Variants in PRKN observed in about 807,000 individuals in gnomAD.
PRKN encodes the protein parkin RBR E3 ubiquitin protein ligase, also known as E3 ubiquitin-protein ligase parkin.
In PRKN, 56 loss-of-function variants were observed where a neutral mutation model predicts 59.5. That is an observed-to-expected ratio of 0.94 (90% CI 0.76 to 1.18). The LOEUF (loss-of-function observed/expected upper bound fraction) is 1.18, where lower values mean the gene tolerates loss of function less well. PRKN is among the 50% of genes most tolerant of loss of function. The probability of loss-of-function intolerance (pLI) is 0.00; values close to 1 mark genes in which losing one functional copy is unlikely to be tolerated. For missense variants in PRKN, 657 were observed against 596.4 expected (o/e 1.10, Z -1.06); for synonymous variants, 250 against 222.1 (o/e 1.13, Z -1.12).
intron 4 of PRKN, among the ~76,000 whole-genome samples, chr6:162,192,161 A>G (rs1272611734): frequency 1.3e-5 from 2 of 152,182 alleles, no homozygotes; most frequent in Non-Finnish European, 2.9e-5. Context: ...TATTTTAAAA[A>G]TGTATCATCC....
chr6:162,235,961 G>GAAAGAA lies in PRKN; in HGVS notation c.412+26558_412+26563dup, dbSNP rs1554288856. ...AGGAAGGAAGGAAGGAAGAAAGGAA[G>GAAAGAA]AAAGAAAGAAAGAAAGAAAGAAAGA... On this transcript the variant is annotated intron_variant, in intron 3 of 11. Coordinates refer to ENST00000366898, the MANE Select transcript of PRKN (RefSeq NM_004562.3). Among the ~76,000 whole-genome samples, 72 of 54,372 alleles carry GAAAGAA rather than the reference G, an allele frequency of 1.3e-3. 6 individuals carry two copies. In the East Asian group the frequency reaches 0.078, roughly 59 times the overall value. 35.7% of individuals were successfully genotyped at this position (54,372 alleles called of 152,430 possible).
chr6:161,382,811 T>A (rs1786054310), intron 10 of PRKN, among the ~76,000 whole-genome samples: 1 of 152,162 alleles, frequency 6.6e-6, no homozygotes, highest in African/African-American at 2.4e-5. Context: ...AAAAAATACA[T>A]TAAGTTTTAG....
chr6:161,486,676 A>T (rs769703489), intron 9 of PRKN, among the ~76,000 whole-genome samples: 5 of 152,222 alleles, frequency 3.3e-5, no homozygotes, highest in Non-Finnish European at 5.9e-5. Context: ...GGATGCTATT[A>T]GCAATTTACT....
intron 5 of PRKN, among the ~76,000 whole-genome samples, chr6:162,053,286 A>T (rs1777724761): frequency 6.6e-6 from 1 of 152,134 alleles, no homozygotes; most frequent in Admixed American, 6.5e-5. Context: ...TCTGTTCCTG[A>T]GAGAAGGTAT....
At chr6:161,736,724 A>G (rs1488527359) in intron 7 of PRKN, among the ~76,000 whole-genome samples, 1 of 152,206 alleles carries the variant, frequency 6.6e-6, no homozygotes, top group East Asian at 1.9e-4. Flanking sequence ...GTCATGTAAG[A>G]TATACAACTT....
chr6:161,819,947 A>G (rs1475911841), intron 6 of PRKN, among the ~76,000 whole-genome samples: 1 of 152,208 alleles, frequency 6.6e-6, no homozygotes, highest in Non-Finnish European at 1.5e-5. Context: ...TGGCCAAATT[A>G]AGCCTAAAAA....
chr6:162,114,636 A>T (rs1780587706), intron 4 of PRKN, among the ~76,000 whole-genome samples: 1 of 151,624 alleles, frequency 6.6e-6, no homozygotes, highest in Admixed American at 6.6e-5. Context: ...ATGAACTCAA[A>T]CAAATTTACA....
chr6:162,044,026 TTC>T (rs1784163044), intron 5 of PRKN, among the ~76,000 whole-genome samples: 1 of 152,210 alleles, frequency 6.6e-6, no homozygotes, highest in Non-Finnish European at 1.5e-5. Context: ...GTATGTTGTG[TTC>T]TGAGTTTTAG....
In PRKN at chr6:161,698,488, AGGG is replaced by A. The variant is rs1786115198; in HGVS notation, c.871+87281_871+87283del. On this transcript the variant is annotated intron_variant, in intron 7 of 11. Transcript: ENST00000366898. Reference sequence around the variant, plus strand: ...CAACTGATTCTAAAGTTTATGTGGAAGGGCAAATGACTTAGAATATGTAAACTG... The same window carrying A: ...CAACTGATTCTAAAGTTTATGTGGAACAAATGACTTAGAATATGTAAACTG... 3.3e-5 allele frequency among the ~76,000 whole-genome samples: 5 copies of A among 152,298 alleles called. No individual in the cohort carries two copies. In the South Asian group the frequency reaches 1.0e-3, roughly 32 times the overall value.
chr6:162,354,782 G>A (rs530383224), intron 2 of PRKN, among the ~76,000 whole-genome samples: 1 of 152,046 alleles, frequency 6.6e-6, no homozygotes, highest in East Asian at 1.9e-4. Context: ...TCTTTACTGT[G>A]TCTATCAACC....
intron 9 of PRKN, among the ~76,000 whole-genome samples, chr6:161,495,784 A>G (rs776419440): frequency 6.6e-6 from 1 of 151,900 alleles, no homozygotes; most frequent in African/African-American, 2.4e-5. Flanking sequence ...ATTTACTTTC[A>G]TCATTTCTAG....
intron 7 of PRKN, among the ~76,000 whole-genome samples, chr6:161,671,991 G>C (rs1259310036): frequency 6.6e-6 from 1 of 152,212 alleles, no homozygotes; most frequent in East Asian, 1.9e-4. Flanking sequence ...GAACTCGATA[G>C]AGTTCACTCT....
chr6:161,820,090 G>A (rs755852478), intron 6 of PRKN, among the ~76,000 whole-genome samples: 1 of 152,028 alleles, frequency 6.6e-6, no homozygotes, highest in East Asian at 1.9e-4. Flanking sequence ...CCCAGTAAAT[G>A]CTTGAAACTG....
At chr6:162,242,922 C>A (rs781588703) in intron 3 of PRKN, among the ~76,000 whole-genome samples, 2 of 151,968 alleles carry the variant, frequency 1.3e-5, no homozygotes, top group African/African-American at 4.8e-5. Context: ...CATGAAAGAG[C>A]CTTGAAAACA....
chr6:162,213,198 C>G (rs1270618831), intron 3 of PRKN, among the ~76,000 whole-genome samples: 1 of 151,946 alleles, frequency 6.6e-6, no homozygotes, highest in Non-Finnish European at 1.5e-5. Context: ...CCTAAAGAAA[C>G]AGAAGAATAT....
intron 9 of PRKN, among the ~76,000 whole-genome samples, chr6:161,449,076 T>A (rs757794762): frequency 3.9e-5 from 6 of 152,166 alleles, no homozygotes; most frequent in Non-Finnish European, 8.8e-5. Context: ...CTGGGATAAA[T>A]GGTTTGTGGT....
chr6:161,711,057 A>G (rs968722195), intron 7 of PRKN, among the ~76,000 whole-genome samples: 4 of 152,010 alleles, frequency 2.6e-5, no homozygotes, highest in Non-Finnish European at 5.9e-5. Flanking sequence ...GATCTGAAAG[A>G]CAAACTAGAT....
At chr6:162,323,386 C>T (rs2128122446) in intron 2 of PRKN, among the ~76,000 whole-genome samples, 1 of 151,514 alleles carries the variant, frequency 6.6e-6, no homozygotes, top group African/African-American at 2.4e-5. Flanking sequence ...CTATAAAAAT[C>T]TATAAAAGAC....
intron 4 of PRKN, among the ~76,000 whole-genome samples, chr6:162,079,757 T>C (rs1014208519): frequency 1.3e-5 from 2 of 152,138 alleles, no homozygotes; most frequent in African/African-American, 4.8e-5. Flanking sequence ...GAGTTATGCG[T>C]GATTTTGAAT....
Sources: allele counts gnomAD v4.1 joint callset (sites outside exome capture counted in the v4.1 genomes callset), GRCh38; gene constraint gnomAD v4.1.1; transcripts MANE v1.5; gene names NCBI Gene and HGNC (gene_info 2026-07-23, HGNC 2026-07-21).